FNDC3A: variants seen among roughly 807,000 people sequenced by gnomAD.
The protein encoded by FNDC3A is fibronectin type III domain containing 3A.
Under a neutral mutation model 148.9 loss-of-function variants are expected in FNDC3A, and 32 were observed. That is an observed-to-expected ratio of 0.21 (90% CI 0.16 to 0.29). FNDC3A has a LOEUF of 0.29. Among genes scored for constraint, FNDC3A ranks in the 10% least tolerant of loss-of-function variants. The pLI, the probability that FNDC3A is intolerant of heterozygous loss-of-function variation, is 1.00. For synonymous variants in FNDC3A, 472 were observed against 473.6 expected (o/e 1.00, Z 0.04); for missense variants, 1,191 against 1,452.8 (o/e 0.82, Z 2.93).
intron 16 of FNDC3A, chr13:49,187,731 T>A: frequency 9.0e-7 from 1 of 1,107,302 alleles, no homozygotes; most frequent in Non-Finnish European, 1.3e-6. Flanking sequence ...TGGCGGCACC[T>A]CACCAAGACC....
intron 8 of FNDC3A, among the ~76,000 whole-genome samples, chr13:49,166,038 C>G (rs1163596150): frequency 1.3e-5 from 2 of 152,066 alleles, no homozygotes; most frequent in South Asian, 4.1e-4. Flanking sequence ...TCAGGCCCTC[C>G]AGTGGTGTTT....
intron 14 of FNDC3A, among the ~76,000 whole-genome samples, chr13:49,182,960 C>CT (rs1219745583): frequency 1.3e-5 from 2 of 152,102 alleles, no homozygotes; most frequent in African/African-American, 4.8e-5. Context: ...CCTTCAGGCT[C>CT]TTTTTTCACC....
chr13:49,197,527 T>C (rs1045741027), intron 20 of FNDC3A, among the ~76,000 whole-genome samples, 198 bp from the exon 21 acceptor site: 2 of 150,950 alleles, frequency 1.3e-5, no homozygotes, highest in Admixed American at 7.1e-5. Flanking sequence ...AAAACAGTTA[T>C]ATATTTGACC....
chr13:49,047,007 C>A (rs1306984107), intron 2 of FNDC3A, among the ~76,000 whole-genome samples: 2 of 152,126 alleles, frequency 1.3e-5, no homozygotes, highest in African/African-American at 2.4e-5. Flanking sequence ...CACCTCCCCC[C>A]ATCCAGTCCC....
intron 8 of FNDC3A, among the ~76,000 whole-genome samples, chr13:49,160,720 G>A (rs1237038102): frequency 1.3e-5 from 2 of 151,424 alleles, no homozygotes; most frequent in East Asian, 1.9e-4. Flanking sequence ...TTACGGTGTC[G>A]ATTTTAGATC....
intron 4 of FNDC3A, among the ~76,000 whole-genome samples, chr13:49,114,967 A>T (rs988592915): frequency 3.3e-5 from 5 of 152,186 alleles, no homozygotes; most frequent in African/African-American, 9.7e-5. Context: ...AAGAAAATTC[A>T]TTCTAGAGTT....
At chr13:49,007,081 A>G (rs1379435306) in intron 2 of FNDC3A, among the ~76,000 whole-genome samples, 2 of 152,070 alleles carry the variant, frequency 1.3e-5, no homozygotes, top group African/African-American at 4.8e-5. Context: ...GAGTTTCAGA[A>G]AGTCTTAAAT....
At chr13:49,045,790 C>CT (rs11316518) in intron 2 of FNDC3A, 522 of 162,290 alleles carry the variant, frequency 3.2e-3, no homozygotes, top group Middle Eastern at 0.011. Flanking sequence ...AATGACAGTC[C>CT]TTTTTTTTTT....
chr13:48,996,314 G>A (rs932848075), intron 1 of FNDC3A, among the ~76,000 whole-genome samples: 21 of 152,028 alleles, frequency 1.4e-4, no homozygotes, highest in African/African-American at 4.8e-4. Context: ...CTAAATTCTA[G>A]AGTTAAATGA....
chr13:49,057,426 C>T (rs865852319), intron 2 of FNDC3A, among the ~76,000 whole-genome samples: 1 of 152,170 alleles, frequency 6.6e-6, no homozygotes, highest in Non-Finnish European at 1.5e-5. Flanking sequence ...TTACCAAAGC[C>T]ATCAGCCACC....
chr13:48,995,202 A>C (rs965071087), intron 1 of FNDC3A, among the ~76,000 whole-genome samples: 3 of 152,182 alleles, frequency 2.0e-5, no homozygotes, highest in Non-Finnish European at 2.9e-5. Flanking sequence ...GTCGTGAGCC[A>C]CTGTAAGAGT....
At chr13:49,147,140 C>T (rs1883041167) in intron 8 of FNDC3A, among the ~76,000 whole-genome samples, 1 of 152,270 alleles carries the variant, frequency 6.6e-6, no homozygotes, top group South Asian at 2.1e-4. Context: ...TTAAGAGAGA[C>T]AAGTAAACCT....
chr13:48,981,869 A>C (rs1459495000), intron 1 of FNDC3A, among the ~76,000 whole-genome samples: 2 of 152,114 alleles, frequency 1.3e-5, no homozygotes, highest in Admixed American at 6.5e-5. Context: ...TTCTTTCCTC[A>C]GAATCCATAT....
At chr13:49,188,806 T>A (rs1300004133) in intron 17 of FNDC3A, among the ~76,000 whole-genome samples, 173 bp downstream of exon 17, 1 of 152,236 alleles carries the variant, frequency 6.6e-6, no homozygotes, top group Non-Finnish European at 1.5e-5. Flanking sequence ...GGTACTTAGC[T>A]CACAGTAAGT....
intron 2 of FNDC3A, among the ~76,000 whole-genome samples, chr13:49,057,659 A>G (rs1260317086): frequency 5.3e-5 from 8 of 152,178 alleles, no homozygotes. Flanking sequence ...TTAATGCATT[A>G]GTTTTCTACC....
At chr13:49,124,173 G>A (rs952690653) in intron 4 of FNDC3A, among the ~76,000 whole-genome samples, 25 of 152,180 alleles carry the variant, frequency 1.6e-4, no homozygotes, top group African/African-American at 5.8e-4. Context: ...AAAAAAGGAT[G>A]AATTCATGTC....
chr13:49,194,866 T>TA (rs1227317894), intron 19 of FNDC3A, among the ~76,000 whole-genome samples: 2 of 152,136 alleles, frequency 1.3e-5, no homozygotes, highest in East Asian at 3.8e-4. Context: ...AAAGATTTTT[T>TA]AAACTTATTA....
intron 10 of FNDC3A, 100 bp downstream of exon 10, chr13:49,168,851 T>G (rs1714430552): frequency 9.2e-7 from 1 of 1,092,600 alleles, no homozygotes; most frequent in Non-Finnish European, 1.3e-6. Flanking sequence ...AGAGCTTTAA[T>G]TTGTTCCTGC....
chr13:49,116,700 C>T (rs541222678), intron 4 of FNDC3A, among the ~76,000 whole-genome samples: 10 of 151,642 alleles, frequency 6.6e-5, no homozygotes, highest in Non-Finnish European at 8.8e-5. Context: ...GCAGGAGAAT[C>T]GCTTGAACCT....
Sources: gnomAD v4.1 joint callset for allele counts (sites outside exome capture counted in the v4.1 genomes callset) on GRCh38, gnomAD v4.1.1 for gene constraint, MANE v1.5 for transcripts, NCBI Gene and HGNC (gene_info 2026-07-23, HGNC 2026-07-21) for gene names.